Variants in LARP1B observed in about 807,000 individuals in gnomAD.
LARP1B encodes the protein La ribonucleoprotein 1B, also known as la-related protein 1B.
A neutral mutation model predicts 114.2 loss-of-function variants in LARP1B; 76 were observed. The ratio of observed to expected loss-of-function variants is 0.67; its 90% CI spans 0.55 to 0.81. The LOEUF (loss-of-function observed/expected upper bound fraction) is 0.81. LARP1B is among the 30% of genes least tolerant of loss of function. LARP1B has a pLI of 0.00. For missense variants in LARP1B, 1,014 were observed against 1,075.8 expected (o/e 0.94, Z 0.80); for synonymous variants, 345 against 348.0 (o/e 0.99, Z 0.10).
intron 10 of LARP1B, among the ~76,000 whole-genome samples, chr4:128,120,934 C>A (rs1396838885): frequency 1.3e-5 from 2 of 151,394 alleles, no homozygotes; most frequent in Non-Finnish European, 2.9e-5. Context: ...CCTCAGCCTC[C>A]CGAGTAGCTG....
At chr4:128,084,216 C>T (rs1327398527) in intron 5 of LARP1B, among the ~76,000 whole-genome samples, 2 of 152,084 alleles carry the variant, frequency 1.3e-5, no homozygotes, top group Non-Finnish European at 2.9e-5. Context: ...ACTTCCCAGA[C>T]GGGGTGGCGG....
downstream of LARP1B, among the ~76,000 whole-genome samples, chr4:128,213,009 T>G (rs1052219599): frequency 6.8e-6 from 1 of 146,064 alleles, no homozygotes; most frequent in Non-Finnish European, 1.5e-5. Context: ...ACTTCCACCT[T>G]CCAGATCCAA....
At chr4:128,073,587 T>TGTTTG (rs1561056836) in intron 1 of LARP1B, among the ~76,000 whole-genome samples, 27 of 29,718 alleles carry the variant, frequency 9.1e-4, no homozygotes, top group African/African-American at 3.0e-3. Flanking sequence ...TTTTTTTTTT[T>TGTTTG]TTTTTTTTTT....
At chr4:128,098,441 G>A in intron 8 of LARP1B, 111 bp downstream of exon 8, 1 of 776,740 alleles carries the variant, frequency 1.3e-6, no homozygotes, top group Non-Finnish European at 2.0e-6. Context: ...GTTGCTTGAG[G>A]CTCAGACAGC....
intron 3 of LARP1B, 91 bp from the exon 4 acceptor site, chr4:128,077,697 C>T: frequency 7.7e-7 from 1 of 1,305,212 alleles, no homozygotes; most frequent in South Asian, 2.2e-5. Flanking sequence ...ATTTGTTTTG[C>T]AATTTTAGGT....
chr4:128,065,237 T>G (rs995540357), intron 1 of LARP1B, among the ~76,000 whole-genome samples: 1 of 150,780 alleles, frequency 6.6e-6, no homozygotes, highest in Non-Finnish European at 1.5e-5. Flanking sequence ...GACTCTGCAC[T>G]GTTCTCCCAC....
chr4:128,136,732 T>A (rs1409894003), intron 11 of LARP1B, among the ~76,000 whole-genome samples: 2 of 152,202 alleles, frequency 1.3e-5, no homozygotes, highest in Non-Finnish European at 2.9e-5. Flanking sequence ...ACAAAGCACA[T>A]TATTAGTGGA....
intron 11 of LARP1B, among the ~76,000 whole-genome samples, chr4:128,140,276 A>G (rs1470329561): frequency 6.6e-6 from 1 of 152,192 alleles, no homozygotes; most frequent in Non-Finnish European, 1.5e-5. Context: ...CACAAATTGA[A>G]AATATTTGAA....
At chr4:128,086,980 T>C (rs1050821166) in intron 5 of LARP1B, among the ~76,000 whole-genome samples, 1 of 152,092 alleles carries the variant, frequency 6.6e-6, no homozygotes, top group African/African-American at 2.4e-5. Context: ...CCAGATACTT[T>C]TTTTTTGTCT....
chr4:128,140,036 A>G (rs1224272316), intron 11 of LARP1B, among the ~76,000 whole-genome samples: 1 of 152,230 alleles, frequency 6.6e-6, no homozygotes, highest in Non-Finnish European at 1.5e-5. Context: ...TAAATGTAAA[A>G]TACTGGATTT....
At chr4:128,161,528 C>T (rs1048536499) in intron 11 of LARP1B, among the ~76,000 whole-genome samples, 8 of 152,148 alleles carry the variant, frequency 5.3e-5, no homozygotes, top group Admixed American at 4.6e-4. Context: ...CTTCTTGACC[C>T]AGTATTAAAG....
At chr4:128,088,360 G>T (rs949415420) in intron 5 of LARP1B, among the ~76,000 whole-genome samples, 4 of 152,146 alleles carry the variant, frequency 2.6e-5, no homozygotes, top group African/African-American at 9.6e-5. Flanking sequence ...TTTTGAAATC[G>T]CCATGCAATG....
intron 12 of LARP1B, among the ~76,000 whole-genome samples, chr4:128,170,589 C>G (rs1227548218): frequency 6.6e-6 from 1 of 152,064 alleles, no homozygotes; most frequent in Non-Finnish European, 1.5e-5. Flanking sequence ...TATATGTTGT[C>G]CTTGTTTGCT....
intron 1 of LARP1B, chr4:128,061,628 G>C: frequency 2.1e-6 from 2 of 959,086 alleles, no homozygotes; most frequent in Non-Finnish European, 2.5e-6. Context: ...TCCCGGCGGA[G>C]AGACGGGCAG....
At chr4:128,196,226 G>A (rs1754013825) in intron 15 of LARP1B, among the ~76,000 whole-genome samples, 1 of 138,490 alleles carries the variant, frequency 7.2e-6, no homozygotes, top group Non-Finnish European at 1.5e-5. Context: ...ACTTCAGCCT[G>A]GGCGACAGAG....
At chr4:128,061,493 G>T in intron 1 of LARP1B, 92 bp downstream of exon 1, 1 of 187,052 alleles carries the variant, frequency 5.3e-6, no homozygotes, top group Non-Finnish European at 9.9e-6. Context: ...GCGGGCGGTT[G>T]GCGCTCCGTT....
At chr4:128,173,391 A>G (rs1744654369) in intron 12 of LARP1B, among the ~76,000 whole-genome samples, 2 of 152,188 alleles carry the variant, frequency 1.3e-5, no homozygotes, top group Admixed American at 6.5e-5. Flanking sequence ...CTTTAGAGGC[A>G]TTTTTATTTA....
intron 1 of LARP1B, among the ~76,000 whole-genome samples, chr4:128,062,943 G>C (rs528507895): frequency 1.3e-5 from 2 of 152,138 alleles, no homozygotes; most frequent in African/African-American, 4.8e-5. Flanking sequence ...TAAGTTATAA[G>C]TGTGCTGGAA....
intron 11 of LARP1B, among the ~76,000 whole-genome samples, chr4:128,137,635 G>A (rs537425761): frequency 1.3e-5 from 2 of 151,808 alleles, no homozygotes; most frequent in South Asian, 4.2e-4. Context: ...TTTGATACAT[G>A]CATACAATGT....
Sources: gnomAD v4.1 joint callset for allele counts (sites outside exome capture counted in the v4.1 genomes callset) on GRCh38, gnomAD v4.1.1 for gene constraint, MANE v1.5 for transcripts, NCBI Gene and HGNC (gene_info 2026-07-23, HGNC 2026-07-21) for gene names.